AHI1: variants seen among roughly 807,000 people sequenced by gnomAD.
AHI1 encodes the protein Abelson helper integration site 1.
Under a neutral mutation model 149.3 loss-of-function variants are expected in AHI1, and 123 were observed. The ratio of observed to expected loss-of-function variants is 0.82; its 90% CI spans 0.71 to 0.96. The LOEUF is 0.96. Ranked by LOEUF, AHI1 falls within the 40% of genes least tolerant of loss-of-function variation. The pLI is 0.00. For synonymous variants in AHI1, 475 were observed against 459.8 expected, an observed-to-expected ratio of 1.03 and a Z score of -0.42; for missense variants, 1,439 against 1,422.7, an observed-to-expected ratio of 1.01 and a Z score of -0.18.
intron 24 of AHI1, among the ~76,000 whole-genome samples, chr6:135,339,622 G>A (rs1176837961): frequency 1.3e-5 from 2 of 152,164 alleles, no homozygotes; most frequent in African/African-American, 4.8e-5. Flanking sequence ...AAATTGAGAT[G>A]ATTTAGTCTG....
chr6:135,400,416 A>G (rs948045447), intron 22 of AHI1, among the ~76,000 whole-genome samples: 2 of 152,054 alleles, frequency 1.3e-5, no homozygotes, highest in African/African-American at 2.4e-5. Context: ...ATAAACTTCA[A>G]CTTGGCTGAA....
chr6:135,457,301 G>T (rs932469981), intron 9 of AHI1, among the ~76,000 whole-genome samples, 193 bp downstream of exon 9: 1 of 152,146 alleles, frequency 6.6e-6, no homozygotes, highest in African/African-American at 2.4e-5. Flanking sequence ...AGTAATTACT[G>T]AATTAGATGT....
chr6:135,355,068 T>G (rs529217700), intron 24 of AHI1, among the ~76,000 whole-genome samples: 57 of 152,282 alleles, frequency 3.7e-4, no homozygotes, highest in African/African-American at 1.3e-3. Context: ...ATTAAAAATC[T>G]TGGCAAGCTG....
At position 135,303,508 on chromosome 6, in the gene AHI1, A is replaced by G. The variant is rs568148569; in HGVS notation, c.3427-2950T>C. ...GTTCAATTCTTGTCTTGGTTCTGTC[A>G]TTAACTCTGTGTGGCCTGGGTAAAC... On this transcript the variant is annotated intron_variant, in intron 26 of 28. Coordinates refer to ENST00000265602, the MANE Select transcript of AHI1 (RefSeq NM_001134831.2). 2.6e-5 allele frequency among the ~76,000 whole-genome samples: 4 copies of G among 151,724 alleles called. No homozygotes were observed. In the East Asian group the frequency reaches 7.7e-4, roughly 29 times the overall value.
At chr6:135,356,510 G>C (rs901490626) in intron 24 of AHI1, among the ~76,000 whole-genome samples, 1 of 152,142 alleles carries the variant, frequency 6.6e-6, no homozygotes, top group Non-Finnish European at 1.5e-5. Context: ...GGAAAGCCAG[G>C]GGCTGTTGGG....
At position 135,466,009 on chromosome 6, in the gene AHI1, T is replaced by TCCTCTTCTAAATA. The variant is rs1276089492; in HGVS notation, c.553_554insTATTTAGAAGAGG (p.Asp185ValfsTer6). On this transcript the variant is annotated frameshift_variant, in exon 7 of 29. Coordinates refer to ENST00000265602, the MANE Select transcript of AHI1 (RefSeq NM_001134831.2). LOFTEE classifies it high-confidence loss of function. ...CTGATATGCTTGCATCAATTCTTCATCCTCTTCTAAATCAGTCTCTTCTCT... is the reference window on the plus strand; with the variant it reads ...CTGATATGCTTGCATCAATTCTTCATCCTCTTCTAAATACCTCTTCTAAATCAGTCTCTTCTCT... 2 of 1,614,008 alleles carry TCCTCTTCTAAATA rather than the reference T, an allele frequency of 1.2e-6. No individual in the cohort carries two copies. Among genetic ancestry groups the TCCTCTTCTAAATA allele is most frequent in the Non-Finnish European group, 1.7e-6 (2 of 1,179,890 alleles).
intron 5 of AHI1, among the ~76,000 whole-genome samples, chr6:135,481,717 T>A (rs1225610210): frequency 1.1e-4 from 17 of 150,176 alleles, no homozygotes; most frequent in Admixed American, 6.6e-5. Flanking sequence ...TTTTTTTTTT[T>A]AACACTTTTT....
At chr6:135,285,926 A>G (rs943904603) in intron 28 of AHI1, among the ~76,000 whole-genome samples, 13 of 152,228 alleles carry the variant, frequency 8.5e-5, no homozygotes, top group Non-Finnish European at 1.5e-4. Flanking sequence ...TAAAATCCCC[A>G]AATATAGACA....
In AHI1 at chr6:135,460,050, G is replaced by T. The variant is rs1363087590; in HGVS notation, c.932-2337C>A. On this transcript the variant is annotated intron_variant, in intron 8 of 28. Coordinates refer to ENST00000265602, the MANE Select transcript of AHI1 (RefSeq NM_001134831.2). ...CTACAAAAATTAGCCAAGAATGGTGGTGCATGCCTGTAGTCCCAGCTACTT... is the reference window on the plus strand; with the variant it reads ...CTACAAAAATTAGCCAAGAATGGTGTTGCATGCCTGTAGTCCCAGCTACTT... 2.6e-5 allele frequency among the ~76,000 whole-genome samples: 4 copies of T among 152,184 alleles called. No homozygotes were observed. In the East Asian group the frequency reaches 7.7e-4, roughly 29 times the overall value.
At chr6:135,395,344 A>G (rs985398414) in intron 22 of AHI1, among the ~76,000 whole-genome samples, 4 of 151,998 alleles carry the variant, frequency 2.6e-5, no homozygotes, top group Non-Finnish European at 4.4e-5. Flanking sequence ...TATATACATC[A>G]TGGTGACACA....
intron 28 of AHI1, among the ~76,000 whole-genome samples, chr6:135,289,617 T>A (rs1782093963): frequency 6.6e-6 from 1 of 152,082 alleles, no homozygotes; most frequent in Admixed American, 6.5e-5. Context: ...ATTTTAAAGT[T>A]TCCATTATTT....
intron 27 of AHI1, among the ~76,000 whole-genome samples, chr6:135,294,043 G>C (rs1782742342): frequency 6.6e-6 from 1 of 152,094 alleles, no homozygotes; most frequent in Admixed American, 6.5e-5. Context: ...AAAAATAATG[G>C]GCTGGGTGCC....
chr6:135,453,464 C>G, intron 10 of AHI1, 28 bp from the exon 11 acceptor site: 1 of 1,449,704 alleles, frequency 6.9e-7, no homozygotes, highest in Non-Finnish European at 9.4e-7. Context: ...GAAGACTAAG[C>G]TACCTAAAAT....
chr6:135,387,944 A>G, intron 23 of AHI1: 1 of 1,612,548 alleles, frequency 6.2e-7, no homozygotes, highest in Non-Finnish European at 8.5e-7. Flanking sequence ...GTGGGATCCC[A>G]GGTCGGCTCA....
intron 8 of AHI1, among the ~76,000 whole-genome samples, chr6:135,460,716 T>C (rs914218304): frequency 1.3e-5 from 2 of 152,212 alleles, no homozygotes; most frequent in Admixed American, 6.5e-5. Context: ...GACATGGTAG[T>C]GTTGGTACAA....
intron 7 of AHI1, 109 bp downstream of exon 7, chr6:135,465,705 C>T: frequency 3.3e-6 from 3 of 922,502 alleles, no homozygotes; most frequent in Non-Finnish European, 4.5e-6. Context: ...ACAATGTCTC[C>T]AAATAAAAGC....
In AHI1 at chr6:135,301,296, T is replaced by C. The variant is rs1471243099; in HGVS notation, c.3427-738A>G. The C allele has an allele frequency of 3.1e-6, 3 of 975,622 alleles. No homozygotes were observed. In the African/African-American group the frequency reaches 5.3e-5, roughly 17 times the overall value. 60.4% of individuals were successfully genotyped at this position (975,622 alleles called of 1,614,324 possible). On this transcript the variant is annotated intron_variant, in intron 26 of 28. Coordinates refer to ENST00000265602, the MANE Select transcript of AHI1 (RefSeq NM_001134831.2). The stretch of plus-strand genomic sequence containing the variant: ...TCACAAAGAAAATATAAATTGTTAC[T>C]ATGTTTAAGTTCAATAATATACAAA...
At chr6:135,328,077 T>C (rs1787973849) in intron 24 of AHI1, among the ~76,000 whole-genome samples, 1 of 152,024 alleles carries the variant, frequency 6.6e-6, no homozygotes, top group Non-Finnish European at 1.5e-5. Context: ...AGCCTGTACT[T>C]GTGAATGGTG....
intron 24 of AHI1, among the ~76,000 whole-genome samples, chr6:135,355,716 C>G (rs6925349): frequency 0.025 from 3,787 of 152,110 alleles, 152 homozygotes; most frequent in African/African-American, 0.086. Flanking sequence ...CTGACCTACA[C>G]GGTGAAACCC....
Sources: gnomAD v4.1 joint callset for allele counts (sites outside exome capture counted in the v4.1 genomes callset) on GRCh38, gnomAD v4.1.1 for gene constraint, MANE v1.5 for transcripts, NCBI Gene and HGNC (gene_info 2026-07-23, HGNC 2026-07-21) for gene names.